The following BCAS3 variants were observed in gnomAD, a reference collection of about 807,000 sequenced individuals.
BCAS3 encodes BCAS4/BCAS3 fusion.
In BCAS3, 53 loss-of-function variants were observed where a neutral mutation model predicts 116.1. That is an observed-to-expected ratio of 0.46 (90% CI 0.37 to 0.57). The LOEUF is 0.57. BCAS3 is among the 20% of genes least tolerant of loss of function. The pLI is 0.00. For synonymous variants in BCAS3, 391 were observed against 408.2 expected, an observed-to-expected ratio of 0.96 and a Z score of 0.51; for missense variants, 917 against 1,165.4, an observed-to-expected ratio of 0.79 and a Z score of 3.10.
rs773454167 is a variant in BCAS3, at chr17:60,995,622, T to C, written c.1486+5387T>C. Among the ~76,000 whole-genome samples the C allele has an allele frequency of 6.6e-6, 1 of 152,034 alleles. No individual in the cohort carries two copies. The highest frequency in any genetic ancestry group is 1.5e-5 in the Non-Finnish European group (1 of 68,008). ...CAGTTTCTAAGGCTTTAAACCAGAG[T>C]TTTAAAACATCTTTAGAAGTTGTTC... On this transcript the variant is annotated intron_variant, in intron 15 of 23. Transcript: ENST00000407086. The surrounding 1 kb of genome is among the most constrained non-coding windows in gnomAD (Gnocchi z 4.7).
chr17:61,007,101 CTG>C lies in BCAS3; in HGVS notation c.1487-8647_1487-8646del, dbSNP rs1311800471. On this transcript the variant is annotated intron_variant, in intron 15 of 23. Transcript: ENST00000407086. This position sits in a 1 kb window ranked among gnomAD's most constrained non-coding sequence, Gnocchi z 4.3. ...TTTAACTTACAAGTTTGGGTTGACT[CTG>C]TGATTGAAACTTAATTGCATGAAAC... is the stretch of plus-strand genomic sequence containing the variant. Among the ~76,000 whole-genome samples the C allele has an allele frequency of 6.6e-6, 1 of 152,004 alleles. No homozygotes were observed. Among genetic ancestry groups the C allele is most frequent in the Non-Finnish European group, 1.5e-5 (1 of 67,952 alleles).
At chr17:61,015,995 A>G in intron 16 of BCAS3, 94 bp downstream of exon 16, 1 of 1,306,248 alleles carries the variant, frequency 7.7e-7, no homozygotes, top group Non-Finnish European at 1.1e-6. Context: ...GGTTTTTATT[A>G]TGTTCTTCAT....
chr17:61,260,066 A>G (rs1188948811), intron 22 of BCAS3, among the ~76,000 whole-genome samples: 1 of 152,236 alleles, frequency 6.6e-6, no homozygotes, highest in Non-Finnish European at 1.5e-5. Flanking sequence ...AGTACTGGAT[A>G]AGTTAAATAA....
chr17:60,990,707 C>T lies in BCAS3; in HGVS notation c.1486+472C>T, dbSNP rs979760151. Among the ~76,000 whole-genome samples, 1 of 151,046 alleles carries T rather than the reference C, an allele frequency of 6.6e-6. No individual in the cohort carries two copies. The highest frequency in any genetic ancestry group is 2.4e-5 in the African/African-American group (1 of 41,012). ...TGTAGCCTGGGCTGGCATGCAATGG[C>T]GTGATCTCGGCTGACTGCAACCTCT... On this transcript the variant is annotated intron_variant, in intron 15 of 23. Coordinates refer to ENST00000407086, the MANE Select transcript of BCAS3 (RefSeq NM_017679.5). The surrounding 1 kb of genome is among the most constrained non-coding windows in gnomAD (Gnocchi z 5.1).
At chr17:61,358,917 C>T (rs914687881) in intron 22 of BCAS3, among the ~76,000 whole-genome samples, 19 of 152,070 alleles carry the variant, frequency 1.2e-4, no homozygotes, top group Non-Finnish European at 2.4e-4. Context: ...GCTTGTTTAT[C>T]GAAGAATTTA....
intron 7 of BCAS3, among the ~76,000 whole-genome samples, chr17:60,827,545 CAT>C (rs1454475798): frequency 2.6e-5 from 4 of 152,068 alleles, no homozygotes; most frequent in East Asian, 1.9e-4. Flanking sequence ...TATAAAGCTA[CAT>C]GTGTGTGTAT....
Position 61,037,497 on chromosome 17 carries a change from C to T in BCAS3, c.1763-392C>T, listed in dbSNP as rs1459182919. 6.6e-6 allele frequency among the ~76,000 whole-genome samples: 1 copy of T among 152,190 alleles called. No individual in the cohort carries two copies. The highest frequency in any genetic ancestry group is 1.5e-5 in the Non-Finnish European group (1 of 68,028). On this transcript the variant is annotated intron_variant, in intron 17 of 23. Coordinates refer to ENST00000407086, the MANE Select transcript of BCAS3 (RefSeq NM_017679.5). The surrounding 1 kb of genome is among the most constrained non-coding windows in gnomAD (Gnocchi z 4.7). ...TATGAAAAAATTCCTGTCGTCTGAG[C>T]ATGGTGGCTCACGCCTTTAATCCCA...
intron 15 of BCAS3, among the ~76,000 whole-genome samples, chr17:61,009,267 A>T (rs2064943073): frequency 6.6e-6 from 1 of 152,038 alleles, no homozygotes; most frequent in Admixed American, 6.6e-5. Flanking sequence ...TTCTATACTT[A>T]TCTCTAATAC....
chr17:61,391,877 AC>A lies in BCAS3; in HGVS notation c.2594-97del. ...TCCCCCTGCGGAAGGACACAAGTGA[AC>A]CCAGAATGGTGCCTCAAGGCAGGCA... is the stretch of plus-strand genomic sequence containing the variant. On this transcript the variant is annotated intron_variant, in intron 23 of 23. Coordinates refer to ENST00000407086, the MANE Select transcript of BCAS3 (RefSeq NM_017679.5). The surrounding 1 kb of genome is among the most constrained non-coding windows in gnomAD (Gnocchi z 7.7). The A allele has an allele frequency of 7.5e-7, 1 of 1,337,254 alleles. No individual in the cohort carries two copies. Among genetic ancestry groups the A allele is most frequent in the Non-Finnish European group, 1.0e-6 (1 of 965,294 alleles). The allele number at this position is 1,337,254 out of a possible 1,614,324, so 82.8% of individuals were successfully genotyped here.
intron 4 of BCAS3, among the ~76,000 whole-genome samples, chr17:60,699,079 AAAAAC>A (rs1327308950): frequency 6.6e-5 from 10 of 152,158 alleles, no homozygotes; most frequent in African/African-American, 2.2e-4. Context: ...AAACAGAACA[AAAAAC>A]AAAACAAGAA....
At chr17:61,319,925 C>G (rs2055063909) in intron 22 of BCAS3, among the ~76,000 whole-genome samples, 3 of 138,556 alleles carry the variant, frequency 2.2e-5, no homozygotes, top group Admixed American at 1.5e-4. Context: ...GAGTCTTGCT[C>G]TGTCACCCAG....
chr17:60,985,799 C>T lies in BCAS3; in HGVS notation c.1222-4172C>T, dbSNP rs534010365. Among the ~76,000 whole-genome samples the T allele has an allele frequency of 4.6e-5, 7 of 152,208 alleles. No homozygotes were observed. In the East Asian group the frequency reaches 5.8e-4, roughly 13 times the overall value. ...TCGCCCAGCCTGGAGTTCAGTGGCA[C>T]GATCTCAGCTCACTGCAACCTCCAC... On this transcript the variant is annotated intron_variant, in intron 14 of 23. Coordinates refer to ENST00000407086, the MANE Select transcript of BCAS3 (RefSeq NM_017679.5).
At position 61,128,218 on chromosome 17, in the gene BCAS3, C is replaced by A. The variant is rs1250348438; in HGVS notation, c.2425+43654C>A. On this transcript the variant is annotated intron_variant, in intron 22 of 23. Transcript: ENST00000407086. The surrounding 1 kb of genome is among the most constrained non-coding windows in gnomAD (Gnocchi z 4.1). ...GAATAGTGTGAGTCAAGGATGAGTACATGAAGATGAAGCCCATGCAATGAG... is the reference window on the plus strand; with the variant it reads ...GAATAGTGTGAGTCAAGGATGAGTAAATGAAGATGAAGCCCATGCAATGAG... 34 of 985,292 alleles carry A rather than the reference C, an allele frequency of 3.5e-5. No homozygotes were observed. Among genetic ancestry groups the A allele is most frequent in the South Asian group, 4.7e-5 (1 of 21,290 alleles). The allele number at this position is 985,292 out of a possible 1,614,324, so 61.0% of individuals were successfully genotyped here.
intron 6 of BCAS3, among the ~76,000 whole-genome samples, chr17:60,760,385 C>T (rs551536604): frequency 1.1e-4 from 16 of 147,824 alleles, no homozygotes; most frequent in Non-Finnish European, 2.2e-4. Context: ...TAGGCCTAGT[C>T]TAGTGGTGAT....
In BCAS3 at chr17:60,679,488, A is replaced by G. The variant is rs1242670463; in HGVS notation, c.31A>G (p.Arg11Gly). 31 of 1,613,964 alleles carry G rather than the reference A, an allele frequency of 1.9e-5. No individual in the cohort carries two copies. Among genetic ancestry groups the G allele is most frequent in the Non-Finnish European group, 2.5e-5 (30 of 1,179,968 alleles). ...TGAAGCTATGGCTACAGATTCCCCAAGAAGACCCAGTCGTTGTACTGGTGG... is the reference window on the plus strand; with the variant it reads ...TGAAGCTATGGCTACAGATTCCCCAGGAAGACCCAGTCGTTGTACTGGTGG... The part of the protein sequence containing the change: MNEAMATDSP[R>G]RPSRCTGGVV... Residue 11 changes from arginine to glycine, a missense_variant, in exon 2 of 24, where the codon AGA becomes GGA. Coordinates refer to ENST00000407086, the MANE Select transcript of BCAS3 (RefSeq NM_017679.5).
intron 13 of BCAS3, among the ~76,000 whole-genome samples, chr17:60,931,035 C>T (rs771493970): frequency 3.3e-5 from 5 of 152,026 alleles, no homozygotes; most frequent in Non-Finnish European, 5.9e-5. Context: ...TCTAGTTCAG[C>T]AGCTGCATTC....
chr17:61,015,668 T>G, intron 15 of BCAS3, 83 bp from the exon 16 acceptor site: 1 of 1,349,318 alleles, frequency 7.4e-7, no homozygotes, highest in Non-Finnish European at 1.1e-6. Flanking sequence ...ATTACTGGAG[T>G]CAGTGAAAAC....
intron 6 of BCAS3, among the ~76,000 whole-genome samples, chr17:60,762,617 T>G (rs1415746977): frequency 6.6e-6 from 1 of 152,218 alleles, no homozygotes; most frequent in Non-Finnish European, 1.5e-5. Context: ...TAGTATAGTT[T>G]GAAGTCAGGT....
intron 3 of BCAS3, 39 bp downstream of exon 3, chr17:60,684,075 A>G: frequency 1.3e-6 from 2 of 1,586,774 alleles, no homozygotes; most frequent in Non-Finnish European, 1.7e-6. Flanking sequence ...CCCTTTGGTC[A>G]GGAGAGCTCT....
Sources: gnomAD v4.1 joint callset for allele counts (sites outside exome capture counted in the v4.1 genomes callset) on GRCh38, gnomAD v4.1.1 for gene constraint, Gnocchi (gnomAD v3.1) non-coding constraint, MANE v1.5 for transcripts, NCBI Gene and HGNC (gene_info 2026-07-23, HGNC 2026-07-21) for gene names.